TAS2R1: variants seen among roughly 807,000 people sequenced by gnomAD.
TAS2R1 encodes taste 2 receptor member 1.
For missense variants in TAS2R1, 370 were observed against 353.4 expected (o/e 1.05, Z -0.38); for synonymous variants, 141 against 134.2 (o/e 1.05, Z -0.35).
At chr5:9,838,400 C>T in the TAS2R1 span, among the ~76,000 whole-genome samples, 11 of 152,278 alleles carry the variant, frequency 7.2e-5, no homozygotes, top group African/African-American at 2.4e-4. Flanking sequence ...GAATACGCCT[C>T]TTAAAATGTA....
intron 1 of TAS2R1, among the ~76,000 whole-genome samples, chr5:9,705,029 G>GGTT (rs1287728275): frequency 6.6e-6 from 1 of 151,768 alleles, no homozygotes; most frequent in Non-Finnish European, 1.5e-5. Flanking sequence ...GTGGCTAATT[G>GGTT]GTTGTTCTTC....
chr5:9,878,107 A>T, the TAS2R1 span, among the ~76,000 whole-genome samples: 3 of 152,190 alleles, frequency 2.0e-5, no homozygotes, highest in Non-Finnish European at 4.4e-5. Context: ...ACCATGAGTC[A>T]TTTGGGGGCT....
the TAS2R1 span, among the ~76,000 whole-genome samples, chr5:9,863,304 A>G: frequency 4.5e-5 from 6 of 132,732 alleles, no homozygotes; most frequent in African/African-American, 1.2e-4. Flanking sequence ...GTCTCGCTCT[A>G]TCGCCCAGAC....
chr5:9,701,541 T>G (rs977475096), intron 1 of TAS2R1, among the ~76,000 whole-genome samples: 1 of 152,168 alleles, frequency 6.6e-6, no homozygotes. Context: ...AAAAAATGCC[T>G]GTTTCTCTGG....
chr5:9,836,354 G>A, the TAS2R1 span, among the ~76,000 whole-genome samples: 1 of 152,060 alleles, frequency 6.6e-6, no homozygotes, highest in Non-Finnish European at 1.5e-5. Context: ...TCCCTTCGTG[G>A]GCTGAAGTTT....
At chr5:9,792,346 A>G in the TAS2R1 span, among the ~76,000 whole-genome samples, 1 of 152,234 alleles carries the variant, frequency 6.6e-6, no homozygotes, top group Non-Finnish European at 1.5e-5. Context: ...ATGGTCATAA[A>G]TACAGAATGA....
At chr5:9,731,702 G>C in the TAS2R1 span, among the ~76,000 whole-genome samples, 3 of 152,208 alleles carry the variant, frequency 2.0e-5, no homozygotes, top group Admixed American at 2.0e-4. Context: ...AAAGGCCACA[G>C]TTCCCATGTT....
At chr5:9,827,007 C>T in the TAS2R1 span, among the ~76,000 whole-genome samples, 122 of 152,184 alleles carry the variant, frequency 8.0e-4, 3 homozygotes, top group Admixed American at 8.0e-3. Context: ...CCAATTTCCA[C>T]CTCTGATAAT....
At chr5:9,892,902 C>A in the TAS2R1 span, among the ~76,000 whole-genome samples, 1,609 of 152,300 alleles carry the variant, frequency 0.011, 28 homozygotes, top group African/African-American at 0.035. Context: ...AGTATCCCTG[C>A]ATTCATTTGC....
At chr5:9,749,513 G>A in the TAS2R1 span, among the ~76,000 whole-genome samples, 4 of 152,170 alleles carry the variant, frequency 2.6e-5, no homozygotes, top group East Asian at 7.7e-4. Flanking sequence ...GAATGAACAG[G>A]AATGTTAACC....
chr5:9,877,770 A>G, the TAS2R1 span, among the ~76,000 whole-genome samples: 4 of 152,256 alleles, frequency 2.6e-5, no homozygotes, highest in Admixed American at 2.0e-4. Context: ...TGCTTAATGT[A>G]TCAGAACTCA....
upstream of TAS2R1, chr5:9,713,204 G>A (rs796722667): frequency 1.2e-4 from 19 of 152,240 alleles, no homozygotes; most frequent in African/African-American, 4.6e-4. Context: ...ACCAGAAGAG[G>A]AACCGTGTCT....
chr5:9,851,298 G>T, the TAS2R1 span, among the ~76,000 whole-genome samples: 1 of 152,180 alleles, frequency 6.6e-6, no homozygotes, highest in Non-Finnish European at 1.5e-5. Context: ...TTGTCTGAAG[G>T]CGCATGTTGG....
At chr5:9,659,228 A>AC (rs1262212836) in intron 2 of TAS2R1, among the ~76,000 whole-genome samples, 1 of 152,070 alleles carries the variant, frequency 6.6e-6, no homozygotes. Flanking sequence ...GAGCACAGGG[A>AC]CCCCATGAAC....
At chr5:9,733,926 C>G in the TAS2R1 span, among the ~76,000 whole-genome samples, 11 of 151,816 alleles carry the variant, frequency 7.2e-5, no homozygotes, top group African/African-American at 2.2e-4. Context: ...CCCAATATAA[C>G]TATTTCCAAG....
the TAS2R1 span, among the ~76,000 whole-genome samples, chr5:9,764,190 T>G: frequency 2.2e-4 from 34 of 152,250 alleles, no homozygotes; most frequent in Non-Finnish European, 3.2e-4. Flanking sequence ...ACAATTGTTT[T>G]TCCCTAATTC....
chr5:9,819,751 C>T, the TAS2R1 span, among the ~76,000 whole-genome samples: 1 of 152,108 alleles, frequency 6.6e-6, no homozygotes, highest in African/African-American at 2.4e-5. Flanking sequence ...AGCAGGCAAG[C>T]TTATACTGGG....
upstream of TAS2R1, among the ~76,000 whole-genome samples, chr5:9,716,132 G>C (rs1345647231): frequency 6.6e-6 from 1 of 152,144 alleles, no homozygotes; most frequent in Admixed American, 6.5e-5. Context: ...ATTGAGACAG[G>C]CAAGTGTAAA....
At chr5:9,715,034 G>A (rs904652674), upstream of TAS2R1, among the ~76,000 whole-genome samples, 25 of 152,264 alleles carry the variant, frequency 1.6e-4, no homozygotes, top group Non-Finnish European at 2.9e-4. Flanking sequence ...TAGGGTGCTC[G>A]TCCACTCTTT....
Sources: allele counts gnomAD v4.1 joint callset (sites outside exome capture counted in the v4.1 genomes callset), GRCh38; gene constraint gnomAD v4.1.1; transcripts MANE v1.5; gene names NCBI Gene and HGNC (gene_info 2026-07-23, HGNC 2026-07-21).